Variants in PDE7A observed in about 807,000 individuals in gnomAD.
PDE7A encodes the protein phosphodiesterase 7A, also known as high affinity 3',5'-cyclic-AMP phosphodiesterase 7A.
PDE7A carries 39 observed loss-of-function variants against 64.3 expected under a neutral mutation model. The ratio of observed to expected loss-of-function variants is 0.61; its 90% CI spans 0.47 to 0.79. The LOEUF (loss-of-function observed/expected upper bound fraction) is 0.79. Ranked by LOEUF, PDE7A falls within the 30% of genes least tolerant of loss-of-function variation. The pLI is 0.00. For missense variants in PDE7A, 470 were observed against 582.8 expected (o/e 0.81, Z 1.99); for synonymous variants, 203 against 206.8 (o/e 0.98, Z 0.16).
intron 3 of PDE7A, among the ~76,000 whole-genome samples, chr8:65,764,829 G>A (rs1808689306): frequency 6.6e-6 from 1 of 152,164 alleles, no homozygotes; most frequent in South Asian, 2.1e-4. Flanking sequence ...GCGAAATTTA[G>A]GGAAAATTCT....
intron 1 of PDE7A, among the ~76,000 whole-genome samples, chr8:65,804,056 T>C (rs1397397969): frequency 6.6e-6 from 1 of 152,190 alleles, no homozygotes; most frequent in Non-Finnish European, 1.5e-5. Context: ...AAGAAAAATC[T>C]ATATGACAAA....
At chr8:65,797,584 T>C (rs898786293) in intron 1 of PDE7A, among the ~76,000 whole-genome samples, 2 of 152,208 alleles carry the variant, frequency 1.3e-5, no homozygotes, top group Non-Finnish European at 2.9e-5. Flanking sequence ...TTTGATACTT[T>C]GTTTTAACAG....
intron 3 of PDE7A, among the ~76,000 whole-genome samples, chr8:65,755,547 ATTG>A (rs1301848951): frequency 6.6e-6 from 1 of 152,088 alleles, no homozygotes; most frequent in Non-Finnish European, 1.5e-5. Flanking sequence ...CCTCCTTCCT[ATTG>A]TTATTATCAC....
chr8:65,744,476 GAAT>G (rs1480733321), intron 5 of PDE7A, among the ~76,000 whole-genome samples: 1 of 152,250 alleles, frequency 6.6e-6, no homozygotes, highest in East Asian at 1.9e-4. Flanking sequence ...TCCGCAAAGA[GAAT>G]AAGAAAACAT....
At chr8:65,809,928 A>C (rs1810210996) in intron 1 of PDE7A, among the ~76,000 whole-genome samples, 1 of 152,210 alleles carries the variant, frequency 6.6e-6, no homozygotes, top group African/African-American at 2.4e-5. Flanking sequence ...CCATTGTGGA[A>C]GACAGTGTGG....
intron 1 of PDE7A, among the ~76,000 whole-genome samples, chr8:65,797,011 A>G (rs373586111): frequency 1.3e-5 from 2 of 152,356 alleles, no homozygotes; most frequent in South Asian, 2.1e-4. Flanking sequence ...TATTAAAAAA[A>G]TCAACTGTAT....
rs567698766 is a variant in PDE7A, at chr8:65,839,223, T to A, written c.138+2148A>T. Among the ~76,000 whole-genome samples, 293 of 149,722 alleles carry A rather than the reference T, an allele frequency of 2.0e-3. 1 individual carries two copies. Among genetic ancestry groups the A allele is most frequent in the East Asian group, 6.5e-3 (33 of 5,108 alleles). The stretch of plus-strand genomic sequence containing the variant: ...ACTATTTTACTTAATGTCTTTTTTT[T>A]AAAAAAAAAAGGGTTTTTTTTCCTA... On this transcript the variant is annotated intron_variant, in intron 1 of 12. Coordinates refer to ENST00000401827, the MANE Select transcript of PDE7A (RefSeq NM_001242318.3).
intron 6 of PDE7A, among the ~76,000 whole-genome samples, chr8:65,737,579 A>ACT (rs1318529073): frequency 6.6e-6 from 1 of 150,978 alleles, no homozygotes; most frequent in East Asian, 1.9e-4. Context: ...ATCTCGGCTC[A>ACT]CTCTCTCTCT....
intron 5 of PDE7A, among the ~76,000 whole-genome samples, chr8:65,741,098 T>C (rs1298451316): frequency 6.6e-6 from 1 of 152,238 alleles, no homozygotes; most frequent in African/African-American, 2.4e-5. Context: ...TAACTCTCCA[T>C]TTTTTATACC....
Position 65,717,436 on chromosome 8 carries a change from T to C in PDE7A, c.*1854A>G, listed in dbSNP as rs1806186579. 6.6e-6 allele frequency: 1 copy of C among 152,216 alleles called. No homozygotes were observed. Among genetic ancestry groups the C allele is most frequent in the Non-Finnish European group, 1.5e-5 (1 of 68,040 alleles). The allele number at this position is 152,216 out of a possible 1,614,324, so 9.4% of individuals were successfully genotyped here. On this transcript the variant is annotated 3_prime_UTR_variant, in exon 13 of 13. Transcript: ENST00000401827. ...AAGACTTGCTGATGTCTTATGCAGTTCACCACTGTAGGAACAAAAGGCCTG... is the reference window on the plus strand; with the variant it reads ...AAGACTTGCTGATGTCTTATGCAGTCCACCACTGTAGGAACAAAAGGCCTG...
intron 1 of PDE7A, among the ~76,000 whole-genome samples, chr8:65,791,012 C>T (rs1303486733): frequency 3.3e-5 from 5 of 152,176 alleles, no homozygotes; most frequent in Non-Finnish European, 5.9e-5. Context: ...CCTATAACCT[C>T]GATGCTTGGC....
Position 65,726,929 on chromosome 8 carries a change from GCAGATCTC to G in PDE7A, c.858_865del (p.Trp286CysfsTer40), listed in dbSNP as rs1806637100. 1 of 1,608,542 alleles carries G rather than the reference GCAGATCTC, an allele frequency of 6.2e-7. No homozygotes were observed. Among genetic ancestry groups the G allele is most frequent in the Non-Finnish European group, 8.5e-7 (1 of 1,175,402 alleles). ...GCCTGATTCTCTCAATAAGCCCACT[GCAGATCTC>G]CAGTGGTGATTTTCCAGTACTGAGG... On this transcript the variant is annotated frameshift_variant, in exon 9 of 13. Coordinates refer to ENST00000401827, the MANE Select transcript of PDE7A (RefSeq NM_001242318.3). LOFTEE classifies it high-confidence loss of function.
At chr8:65,827,857 C>T (rs533951352) in intron 1 of PDE7A, among the ~76,000 whole-genome samples, 245 of 152,212 alleles carry the variant, frequency 1.6e-3, no homozygotes, top group African/African-American at 5.7e-3. Context: ...CCTAATGATG[C>T]ATTTATCAGT....
rs555856220 is a variant in PDE7A at position 65,714,666 on chromosome 8, G to A, written c.*4624C>T. 6.6e-6 allele frequency: 1 copy of A among 152,230 alleles called. No homozygotes were observed. The highest frequency in any genetic ancestry group is 1.5e-5 in the Non-Finnish European group (1 of 68,012). 9.4% of individuals were successfully genotyped at this position (152,230 alleles called of 1,614,324 possible). A position where few individuals can be genotyped will look rare whatever the true frequency, so the allele number is the denominator to read the frequency against. On this transcript the variant is annotated 3_prime_UTR_variant, in exon 13 of 13. Coordinates refer to ENST00000401827, the MANE Select transcript of PDE7A (RefSeq NM_001242318.3). The stretch of plus-strand genomic sequence containing the variant: ...GGTCACTGTGTATTTTCTCAATCAG[G>A]AGATACCGATTGAGGGGATTTTAAA...
intron 1 of PDE7A, among the ~76,000 whole-genome samples, chr8:65,801,666 A>G (rs1360857448): frequency 6.6e-6 from 1 of 152,212 alleles, no homozygotes; most frequent in African/African-American, 2.4e-5. Flanking sequence ...AGCTTGAGTC[A>G]AATTATGTGC....
At chr8:65,831,021 C>T (rs907949444) in intron 1 of PDE7A, among the ~76,000 whole-genome samples, 6 of 151,964 alleles carry the variant, frequency 3.9e-5, no homozygotes, top group East Asian at 3.8e-4. Context: ...TAAAAATCCC[C>T]TCATATACAT....
chr8:65,780,580 C>A (rs570976997), intron 2 of PDE7A, among the ~76,000 whole-genome samples: 1 of 152,086 alleles, frequency 6.6e-6, no homozygotes, highest in African/African-American at 2.4e-5. Context: ...ATTTTATTTT[C>A]TTCTCTCATC....
chr8:65,769,795 T>C (rs554787591), intron 3 of PDE7A, among the ~76,000 whole-genome samples: 2 of 151,230 alleles, frequency 1.3e-5, no homozygotes, highest in Non-Finnish European at 1.5e-5. Context: ...ACTCAGGAGG[T>C]TGAGGCAGGA....
chr8:65,786,961 T>C (rs900510747), intron 1 of PDE7A, among the ~76,000 whole-genome samples: 1 of 152,182 alleles, frequency 6.6e-6, no homozygotes, highest in African/African-American at 2.4e-5. Flanking sequence ...AGACTCACCT[T>C]GAATTAGGGT....
Sources: allele counts gnomAD v4.1 joint callset (sites outside exome capture counted in the v4.1 genomes callset), GRCh38; gene constraint gnomAD v4.1.1; transcripts MANE v1.5; gene names NCBI Gene and HGNC (gene_info 2026-07-23, HGNC 2026-07-21).